The following BBX variants were observed in gnomAD, a reference collection of about 807,000 sequenced individuals.
BBX encodes the protein HMG box transcription factor BBX.
A neutral mutation model predicts 100.2 loss-of-function variants in BBX; 30 were observed. The observed-to-expected ratio is 0.30, with a 90% confidence interval of 0.22 to 0.41. BBX has a LOEUF of 0.41. Among genes scored for constraint, BBX ranks in the 10% least tolerant of loss-of-function variants. The pLI is 1.00. For synonymous variants in BBX, 376 were observed against 388.1 expected, an observed-to-expected ratio of 0.97 and a Z score of 0.37; for missense variants, 1,023 against 1,129.8, an observed-to-expected ratio of 0.91 and a Z score of 1.35.
chr3:107,734,561 C>T (rs2063521533), intron 7 of BBX, among the ~76,000 whole-genome samples: 1 of 152,174 alleles, frequency 6.6e-6, no homozygotes, highest in South Asian at 2.1e-4. Flanking sequence ...GACCTTTCAA[C>T]ATGTCTGACT....
Position 107,582,890 on chromosome 3 carries a change from A to G in BBX, c.-84+56492A>G, listed in dbSNP as rs151126549. Among the ~76,000 whole-genome samples the G allele has an allele frequency of 4.6e-5, 7 of 152,144 alleles. No individual in the cohort carries two copies. The East Asian group carries it at 1.2e-3, about 25-fold the overall frequency. On this transcript the variant is annotated intron_variant, in intron 2 of 17. Transcript: ENST00000325805. Reference sequence around the variant, plus strand: ...CATCTTTGTTGTTGTTAGGACTAATAGAAAGGTGTAGGTATGTGCTGTGCA... The same window carrying G: ...CATCTTTGTTGTTGTTAGGACTAATGGAAAGGTGTAGGTATGTGCTGTGCA...
chr3:107,752,404 A>T (rs929490538), intron 9 of BBX, among the ~76,000 whole-genome samples: 1 of 152,214 alleles, frequency 6.6e-6, no homozygotes, highest in African/African-American at 2.4e-5. Flanking sequence ...TTCTTTTTAG[A>T]TAAGAAAGGT....
chr3:107,570,631 C>T (rs1226451174), intron 2 of BBX, among the ~76,000 whole-genome samples: 4 of 151,926 alleles, frequency 2.6e-5, no homozygotes, highest in Non-Finnish European at 4.4e-5. Context: ...AAACTGTAAG[C>T]CAGATAGGGT....
At chr3:107,526,644 T>G in intron 2 of BBX, 1 of 307,692 alleles carries the variant, frequency 3.2e-6, no homozygotes, top group Non-Finnish European at 5.9e-6. Context: ...TTTCAAAACT[T>G]ATTCTCAAAT....
chr3:107,698,113 A>T (rs982333627), intron 3 of BBX, among the ~76,000 whole-genome samples: 1 of 151,698 alleles, frequency 6.6e-6, no homozygotes, highest in Non-Finnish European at 1.5e-5. Context: ...CCCTAGTGAG[A>T]TGAACCCGGT....
At chr3:107,575,333 C>G (rs2051692024) in intron 2 of BBX, among the ~76,000 whole-genome samples, 1 of 152,152 alleles carries the variant, frequency 6.6e-6, no homozygotes, top group African/African-American at 2.4e-5. Flanking sequence ...AATATCAGTT[C>G]AGATTTTTTT....
intron 2 of BBX, among the ~76,000 whole-genome samples, chr3:107,545,146 A>G (rs933513586): frequency 6.6e-6 from 1 of 152,222 alleles, no homozygotes; most frequent in African/African-American, 2.4e-5. Flanking sequence ...AACCAATTTA[A>G]TGTATTTTCC....
intron 3 of BBX, among the ~76,000 whole-genome samples, chr3:107,691,002 G>T (rs1245131339): frequency 1.4e-5 from 2 of 145,436 alleles, no homozygotes; most frequent in East Asian, 4.2e-4. Flanking sequence ...TGGCTCCAAG[G>T]CTCAGGGGAT....
chr3:107,701,873 T>C (rs1411686914), intron 3 of BBX, among the ~76,000 whole-genome samples: 2 of 151,826 alleles, frequency 1.3e-5, no homozygotes, highest in Non-Finnish European at 2.9e-5. Context: ...GTTAAGAGAG[T>C]TAATAGATAT....
At chr3:107,714,846 T>C (rs926830295) in intron 4 of BBX, among the ~76,000 whole-genome samples, 3 of 151,902 alleles carry the variant, frequency 2.0e-5, no homozygotes, top group Non-Finnish European at 4.4e-5. Context: ...AGTGTAGTGG[T>C]GTGATCTTGG....
intron 2 of BBX, among the ~76,000 whole-genome samples, chr3:107,539,126 C>T (rs1298993814): frequency 1.3e-5 from 2 of 152,050 alleles, no homozygotes; most frequent in African/African-American, 2.4e-5. Context: ...GTTGCTTTAT[C>T]ATAATAATGT....
chr3:107,590,242 T>G (rs1476222969), intron 2 of BBX, among the ~76,000 whole-genome samples: 1 of 152,222 alleles, frequency 6.6e-6, no homozygotes, highest in Non-Finnish European at 1.5e-5. Context: ...TGTATTTATG[T>G]ATATAGGCAT....
At chr3:107,558,363 C>A (rs1392622617) in intron 2 of BBX, among the ~76,000 whole-genome samples, 1 of 152,174 alleles carries the variant, frequency 6.6e-6, no homozygotes, top group East Asian at 1.9e-4. Flanking sequence ...TGGCTTGCAT[C>A]TGTAATCTCA....
At chr3:107,781,218 A>T (rs959645532) in intron 13 of BBX, among the ~76,000 whole-genome samples, 2 of 151,978 alleles carry the variant, frequency 1.3e-5, no homozygotes, top group African/African-American at 4.8e-5. Flanking sequence ...TCGTATCTGT[A>T]TTTCTAAGGA....
chr3:107,660,376 T>C (rs1351664844), intron 3 of BBX, among the ~76,000 whole-genome samples: 1 of 151,990 alleles, frequency 6.6e-6, no homozygotes, highest in Non-Finnish European at 1.5e-5. Flanking sequence ...AACTTTAGTC[T>C]CTTTCCTGCA....
chr3:107,800,326 G>A (rs1392943556), intron 16 of BBX, among the ~76,000 whole-genome samples: 1 of 152,138 alleles, frequency 6.6e-6, no homozygotes, highest in Non-Finnish European at 1.5e-5. Context: ...GAGGAGGAGT[G>A]AAGAAATATG....
At chr3:107,584,100 T>C (rs1383445530) in intron 2 of BBX, among the ~76,000 whole-genome samples, 1 of 12,062 alleles carries the variant, frequency 8.3e-5, no homozygotes, top group Non-Finnish European at 2.2e-4. Flanking sequence ...ATATATTATA[T>C]ATATTATATA....
intron 1 of BBX, chr3:107,524,154 G>A (rs1040700650): frequency 1.3e-5 from 2 of 152,434 alleles, no homozygotes; most frequent in African/African-American, 4.8e-5. Flanking sequence ...TGGTGGAGGG[G>A]AGGAGGAAGG....
At chr3:107,595,109 A>G (rs977154556) in intron 2 of BBX, among the ~76,000 whole-genome samples, 6 of 152,212 alleles carry the variant, frequency 3.9e-5, no homozygotes, top group Non-Finnish European at 8.8e-5. Context: ...AAGCATGTTT[A>G]CTAGGGAACT....
Sources: gnomAD v4.1 joint callset for allele counts (sites outside exome capture counted in the v4.1 genomes callset) on GRCh38, gnomAD v4.1.1 for gene constraint, MANE v1.5 for transcripts, NCBI Gene and HGNC (gene_info 2026-07-23, HGNC 2026-07-21) for gene names.